Variants in RBFOX1 observed in about 807,000 individuals in gnomAD.
The protein encoded by RBFOX1 is RNA binding protein fox-1 homolog 1.
In RBFOX1, 8 loss-of-function variants were observed where a neutral mutation model predicts 57.7. The ratio of observed to expected loss-of-function variants is 0.14; its 90% CI spans 0.08 to 0.25. The LOEUF (loss-of-function observed/expected upper bound fraction) is 0.25. Among genes scored for constraint, RBFOX1 ranks in the 10% least tolerant of loss-of-function variants. RBFOX1 has a pLI of 1.00. For missense variants in RBFOX1, 611 were observed against 548.5 expected (o/e 1.11, Z -1.14); for synonymous variants, 326 against 222.4 (o/e 1.47, Z -4.15).
intron 2 of RBFOX1, among the ~76,000 whole-genome samples, chr16:6,322,896 A>C (rs1426780778): frequency 6.6e-6 from 1 of 152,170 alleles, no homozygotes. Context: ...AAACTCATCT[A>C]GATAATGCTC....
At chr16:7,572,348 C>A (rs568067104) in intron 5 of RBFOX1, among the ~76,000 whole-genome samples, 1 of 152,132 alleles carries the variant, frequency 6.6e-6, no homozygotes, top group Non-Finnish European at 1.5e-5. Context: ...TAGTCATTTA[C>A]GCTGCAGATA....
chr16:6,291,933 C>T (rs1363119317), intron 1 of RBFOX1, among the ~76,000 whole-genome samples: 1 of 150,734 alleles, frequency 6.6e-6, no homozygotes, highest in Non-Finnish European at 1.5e-5. Flanking sequence ...AAGTTATAGA[C>T]TCTGTGTTGG....
At chr16:7,134,142 G>A (rs759361929) in intron 4 of RBFOX1, among the ~76,000 whole-genome samples, 4 of 152,126 alleles carry the variant, frequency 2.6e-5, no homozygotes, top group African/African-American at 9.7e-5. Context: ...TCATAAAAAC[G>A]GTGGTCAGCA....
chr16:7,038,769 G>A (rs1260157173), intron 3 of RBFOX1, among the ~76,000 whole-genome samples: 1 of 152,152 alleles, frequency 6.6e-6, no homozygotes, highest in Non-Finnish European at 1.5e-5. Context: ...TTGTCTGTCT[G>A]ATTAATCTGT....
At chr16:6,028,317 G>A (rs866819683) in intron 1 of RBFOX1, among the ~76,000 whole-genome samples, 2 of 152,054 alleles carry the variant, frequency 1.3e-5, no homozygotes, top group Non-Finnish European at 2.9e-5. Flanking sequence ...CCTTTTCACA[G>A]GTTAGAGAAA....
At position 5,558,800 on chromosome 16, in the gene RBFOX1, C is replaced by G. The variant is rs77055728; in HGVS notation, c.259-40102C>G. Among the ~76,000 whole-genome samples, 1,357 of 152,208 alleles carry G rather than the reference C, an allele frequency of 8.9e-3. 9 individuals carry two copies. The highest frequency in any genetic ancestry group is 0.015 in the Non-Finnish European group (1,018 of 68,016). ...TCAAGGTGTGTAATTTGGATTCACT[C>G]AATGCATCATGAGCATGCAAAGGTG... On this transcript the variant is annotated intron_variant, in intron 2 of 2. Transcript: ENST00000585867.
intron 2 of RBFOX1, among the ~76,000 whole-genome samples, chr16:6,560,159 T>A (rs2097160466): frequency 2.2e-5 from 3 of 135,408 alleles, no homozygotes. Context: ...GGTAATCAAT[T>A]CGTTTGCCAT....
intron 3 of RBFOX1, among the ~76,000 whole-genome samples, chr16:6,937,198 A>T (rs565122532): frequency 1.3e-5 from 2 of 152,148 alleles, no homozygotes; most frequent in African/African-American, 4.8e-5. Context: ...AAATTCAACT[A>T]TGTCTGTAAG....
At chr16:7,356,421 A>G (rs1186895151) in intron 4 of RBFOX1, among the ~76,000 whole-genome samples, 1 of 152,224 alleles carries the variant, frequency 6.6e-6, no homozygotes, top group Non-Finnish European at 1.5e-5. Context: ...GAAAGCAAGA[A>G]GGAGCATCCC....
chr16:6,167,304 G>A (rs893283705), intron 1 of RBFOX1, among the ~76,000 whole-genome samples: 6 of 152,088 alleles, frequency 3.9e-5, no homozygotes, highest in African/African-American at 7.2e-5. Flanking sequence ...ACCCTTTGAC[G>A]TATAGCTCAA....
chr16:6,516,878 C>A (rs1305708722), intron 2 of RBFOX1, among the ~76,000 whole-genome samples: 1 of 152,158 alleles, frequency 6.6e-6, no homozygotes, highest in Non-Finnish European at 1.5e-5. Context: ...GGGAATGTTG[C>A]ATTTGAAAAA....
chr16:6,513,396 G>C (rs901076980), intron 2 of RBFOX1, among the ~76,000 whole-genome samples: 1 of 152,086 alleles, frequency 6.6e-6, no homozygotes, highest in Non-Finnish European at 1.5e-5. Flanking sequence ...AAACTTTTCA[G>C]GGGAAGAGAG....
intron 4 of RBFOX1, among the ~76,000 whole-genome samples, chr16:5,869,492 C>T (rs886694856): frequency 2.0e-5 from 3 of 152,170 alleles, no homozygotes; most frequent in African/African-American, 4.8e-5. Context: ...ACCTCCGCCT[C>T]CCAGGTTCAA....
chr16:5,826,893 G>A (rs2056076197), intron 3 of RBFOX1, among the ~76,000 whole-genome samples: 1 of 152,142 alleles, frequency 6.6e-6, no homozygotes, highest in Admixed American at 6.5e-5. Context: ...AAGGAGCCCT[G>A]AATCCTTGAC....
intron 4 of RBFOX1, among the ~76,000 whole-genome samples, chr16:7,061,650 C>T (rs1192871566): frequency 6.6e-6 from 1 of 152,092 alleles, no homozygotes; most frequent in Non-Finnish European, 1.5e-5. Context: ...GCCTATTATC[C>T]CCAGTCCTCA....
intron 2 of RBFOX1, among the ~76,000 whole-genome samples, chr16:6,377,230 T>C (rs910321114): frequency 1.4e-5 from 2 of 144,064 alleles, no homozygotes; most frequent in African/African-American, 5.4e-5. Context: ...GCCAAGGTCA[T>C]GCAACTGCAC....
At chr16:6,484,176 A>G (rs2153103247) in intron 2 of RBFOX1, among the ~76,000 whole-genome samples, 1 of 152,310 alleles carries the variant, frequency 6.6e-6, no homozygotes, top group South Asian at 2.1e-4. Context: ...AAGTCCCAAT[A>G]GGCTAGCCAT....
In RBFOX1 at chr16:5,668,965, G is replaced by A. The variant is rs144087671; in HGVS notation, c.318+70004G>A. On this transcript the variant is annotated intron_variant, in intron 3 of 19. Coordinates refer to the RBFOX1 transcript ENST00000641259. Reference sequence around the variant, plus strand: ...ATTGCTCCAGCAGGATGCCTATGTAGTAGTATTCATGATACATTACAGAAT... The same window carrying A: ...ATTGCTCCAGCAGGATGCCTATGTAATAGTATTCATGATACATTACAGAAT... Among the ~76,000 whole-genome samples the A allele has an allele frequency of 2.6e-5, 4 of 152,280 alleles. No homozygotes were observed. In the East Asian group the frequency reaches 7.7e-4, roughly 29 times the overall value.
chr16:7,628,543 C>T (rs928487980), intron 10 of RBFOX1, among the ~76,000 whole-genome samples: 3 of 152,118 alleles, frequency 2.0e-5, no homozygotes, highest in Non-Finnish European at 4.4e-5. Context: ...TGTTAATCCC[C>T]AGTGACCTGC....
Sources: allele counts gnomAD v4.1 joint callset (sites outside exome capture counted in the v4.1 genomes callset), GRCh38; gene constraint gnomAD v4.1.1; transcripts MANE v1.5; gene names NCBI Gene and HGNC (gene_info 2026-07-23, HGNC 2026-07-21).